The following RXYLT1 variants were observed in gnomAD, a reference collection of about 807,000 sequenced individuals.
The protein encoded by RXYLT1 is ribitol-5-phosphate xylosyltransferase 1.
Under a neutral mutation model 43.5 loss-of-function variants are expected in RXYLT1, and 41 were observed. The ratio of observed to expected loss-of-function variants is 0.94; its 90% CI spans 0.73 to 1.22. The LOEUF (loss-of-function observed/expected upper bound fraction) is 1.22. Ranked by LOEUF, RXYLT1 falls within the 50% of genes most tolerant of loss-of-function variation. The pLI is 0.00. For missense variants in RXYLT1, 514 were observed against 532.0 expected, an observed-to-expected ratio of 0.97 and a Z score of 0.33; for synonymous variants, 166 against 194.4, an observed-to-expected ratio of 0.85 and a Z score of 1.21.
chr12:63,789,597 T>C (rs938756456), intron 3 of RXYLT1, among the ~76,000 whole-genome samples: 3 of 152,176 alleles, frequency 2.0e-5, no homozygotes, highest in Non-Finnish European at 2.9e-5. Flanking sequence ...AAACTCTTTA[T>C]TTGCAAAGTA....
At chr12:63,791,068 CA>C (rs1897911683) in intron 3 of RXYLT1, among the ~76,000 whole-genome samples, 1 of 152,154 alleles carries the variant, frequency 6.6e-6, no homozygotes, top group African/African-American at 2.4e-5. Flanking sequence ...TACCTGCCCA[CA>C]AATGCCTTAT....
chr12:63,793,477 G>A (rs1897962441), intron 3 of RXYLT1, among the ~76,000 whole-genome samples: 1 of 152,050 alleles, frequency 6.6e-6, no homozygotes, highest in Non-Finnish European at 1.5e-5. Context: ...GAAAAAAAGA[G>A]TGAAGTGCTG....
chr12:63,799,664 T>C (rs971009128), intron 3 of RXYLT1, among the ~76,000 whole-genome samples: 2 of 152,106 alleles, frequency 1.3e-5, no homozygotes, highest in Non-Finnish European at 2.9e-5. Context: ...TTGAGTCTGA[T>C]CTGTACCATT....
chr12:63,802,862 AG>A (rs370480963), intron 4 of RXYLT1, among the ~76,000 whole-genome samples: 7 of 152,176 alleles, frequency 4.6e-5, no homozygotes, highest in African/African-American at 1.7e-4. Flanking sequence ...ATGATAGCTA[AG>A]GTTTCTCAAG....
intron 2 of RXYLT1, 117 bp downstream of exon 2, chr12:63,781,291 T>A: frequency 4.4e-6 from 5 of 1,132,062 alleles, no homozygotes; most frequent in Non-Finnish European, 5.9e-6. Context: ...CATCATGATA[T>A]ATTTTTTCGC....
intron 4 of RXYLT1, among the ~76,000 whole-genome samples, chr12:63,802,784 C>A (rs1273828142): frequency 6.6e-6 from 1 of 151,866 alleles, no homozygotes; most frequent in Non-Finnish European, 1.5e-5. Flanking sequence ...CAGGAATATA[C>A]CGTACCATTG....
intron 1 of RXYLT1, 115 bp downstream of exon 1, chr12:63,780,244 G>A (rs976697997): frequency 9.3e-5 from 129 of 1,384,482 alleles, no homozygotes; most frequent in Non-Finnish European, 1.1e-4. Flanking sequence ...CGCAGGGCCT[G>A]AGAAGCGCTT....
chr12:63,780,876 A>T (rs1019430094), intron 1 of RXYLT1, 143 bp from the exon 2 acceptor site: 4 of 662,458 alleles, frequency 6.0e-6, no homozygotes, highest in African/African-American at 5.6e-5. Flanking sequence ...TTCATTGTGT[A>T]TTACCAGTTT....
chr12:63,809,431 G>C lies in RXYLT1; in HGVS notation c.*339G>C, dbSNP rs114964963. 2,311 of 191,562 alleles carry C rather than the reference G, an allele frequency of 0.012. 70 individuals are homozygous for C. The highest frequency in any genetic ancestry group is 0.051 in the African/African-American group (2,159 of 42,100). 11.9% of individuals were successfully genotyped at this position (191,562 alleles called of 1,614,324 possible). On this transcript the variant is annotated 3_prime_UTR_variant, in exon 6 of 6. Coordinates refer to ENST00000261234, the MANE Select transcript of RXYLT1 (RefSeq NM_014254.3). ...AGTAAAAGTACAGCAATTATGTCCT[G>C]TACATAATATTTAATAATGACAATA...
At position 63,808,823 on chromosome 12, in the gene RXYLT1, GACGTGATGACAGCTGGCAACTGTGGGAA is replaced by G. The variant is rs397514545; in HGVS notation, c.1064_1091del (p.Asp355ValfsTer33). On this transcript the variant is annotated frameshift_variant, in exon 6 of 6. Transcript: ENST00000261234. LOFTEE classifies it high-confidence loss of function. ...CTATGGCTCCATTCCTGTGGTGGAA[GACGTGATGACAGCTGGCAACTGTGGGAA>G]TACATCTGTGCACCACGGTGCTCCT... The G allele has an allele frequency of 5.0e-6, 8 of 1,614,124 alleles. No homozygotes were observed. Among genetic ancestry groups the G allele is most frequent in the Non-Finnish European group, 6.8e-6 (8 of 1,180,028 alleles).
intron 3 of RXYLT1, among the ~76,000 whole-genome samples, chr12:63,798,151 T>C (rs962249458): frequency 1.3e-5 from 2 of 152,186 alleles, no homozygotes; most frequent in African/African-American, 4.8e-5. Flanking sequence ...CTTAACTAGC[T>C]GCTGTAACAT....
intron 5 of RXYLT1, 39 bp downstream of exon 5, chr12:63,805,443 C>G (rs1592856526): frequency 6.6e-7 from 1 of 1,520,782 alleles, no homozygotes; most frequent in South Asian, 1.3e-5. Flanking sequence ...ATTTTGTTCT[C>G]CAGTCTGAGA....
chr12:63,798,398 T>A (rs955078173), intron 3 of RXYLT1, among the ~76,000 whole-genome samples: 29 of 152,246 alleles, frequency 1.9e-4, no homozygotes, highest in African/African-American at 7.0e-4. Flanking sequence ...CTGTAATCAC[T>A]TCCTTACTTC....
chr12:63,780,290 G>A, intron 1 of RXYLT1, 161 bp downstream of exon 1: 1 of 1,357,116 alleles, frequency 7.4e-7, no homozygotes, highest in South Asian at 1.8e-5. Flanking sequence ...CCCTTGGCTC[G>A]GAATTGGAGA....
intron 3 of RXYLT1, among the ~76,000 whole-genome samples, chr12:63,788,888 C>T (rs1236439745): frequency 6.6e-6 from 1 of 152,222 alleles, no homozygotes; most frequent in Non-Finnish European, 1.5e-5. Context: ...ATGCCTTCCT[C>T]ACTAAGCTTA....
chr12:63,780,977 C>A, intron 1 of RXYLT1, 42 bp from the exon 2 acceptor site: 6 of 1,445,730 alleles, frequency 4.2e-6, no homozygotes, highest in Non-Finnish European at 5.5e-6. Flanking sequence ...CCTACAACTG[C>A]AATAATACCT....
chr12:63,780,057 CG>C lies in RXYLT1; in HGVS notation c.98del (p.Arg33ProfsTer56). On this transcript the variant is annotated frameshift_variant, in exon 1 of 6. Coordinates refer to ENST00000261234, the MANE Select transcript of RXYLT1 (RefSeq NM_014254.3). LOFTEE classifies it high-confidence loss of function. ...CTACCACGTCTTCTTCGGGCGCCGC[CG>C]CCAGGCGCCGGCCGGGTCCCCGCGG... ...AAYHVFFGRR[R>X]QAPAGSPRGL... The C allele has an allele frequency of 6.2e-7, 1 of 1,604,558 alleles. No individual in the cohort carries two copies. The highest frequency in any genetic ancestry group is 8.5e-7 in the Non-Finnish European group (1 of 1,177,238).
chr12:63,801,544 G>T (rs1898158512), intron 3 of RXYLT1, among the ~76,000 whole-genome samples: 1 of 152,114 alleles, frequency 6.6e-6, no homozygotes, highest in African/African-American at 2.4e-5. Flanking sequence ...AAAAGGTCAG[G>T]CATGGTGGTT....
In RXYLT1 at chr12:63,803,181, CAAAAAAAAAAAAAAAAAAA is replaced by C. The variant is rs763579072; in HGVS notation, c.743+788_743+806del. On this transcript the variant is annotated intron_variant, in intron 4 of 5. Coordinates refer to ENST00000261234, the MANE Select transcript of RXYLT1 (RefSeq NM_014254.3). ...ACAGAGTGAGATGAGACTGTCTCAC[CAAAAAAAAAAAAAAAAAAA>C]AAAAAAAAAAAGATATAGTCTTTCT... Among the ~76,000 whole-genome samples, 6 of 22,604 alleles carry C rather than the reference CAAAAAAAAAAAAAAAAAAA, an allele frequency of 2.7e-4. No individual in the cohort carries two copies. The Admixed American group carries it at 2.7e-3, about 10-fold the overall frequency. 14.8% of individuals were successfully genotyped at this position (22,604 alleles called of 152,430 possible). A position where few individuals can be genotyped will look rare whatever the true frequency, so the allele number is the denominator to read the frequency against.
Sources: gnomAD v4.1 joint callset for allele counts (sites outside exome capture counted in the v4.1 genomes callset) on GRCh38, gnomAD v4.1.1 for gene constraint, MANE v1.5 for transcripts, NCBI Gene and HGNC (gene_info 2026-07-23, HGNC 2026-07-21) for gene names.